TMEM117: variants seen among roughly 807,000 people sequenced by gnomAD.
The protein encoded by TMEM117 is transmembrane protein 117.
A neutral mutation model predicts 52.4 loss-of-function variants in TMEM117; 27 were observed. The ratio of observed to expected loss-of-function variants is 0.51; its 90% CI spans 0.38 to 0.71. The LOEUF is 0.71. TMEM117 is among the 30% of genes least tolerant of loss of function. The pLI is 0.00. For synonymous variants in TMEM117, 215 were observed against 206.3 expected (o/e 1.04, Z -0.36); for missense variants, 556 against 630.5 (o/e 0.88, Z 1.26).
chr12:44,153,040 C>G (rs1948777382), intron 4 of TMEM117, among the ~76,000 whole-genome samples: 1 of 151,432 alleles, frequency 6.6e-6, no homozygotes, highest in South Asian at 2.1e-4. Flanking sequence ...AGTCATTCGA[C>G]TAATTCCAGA....
At chr12:43,806,850 G>A in the TMEM117 span, among the ~76,000 whole-genome samples, 1 of 152,076 alleles carries the variant, frequency 6.6e-6, no homozygotes, top group Non-Finnish European at 1.5e-5. Flanking sequence ...TTTTCAGCTG[G>A]ACACATTTAG....
intron 2 of TMEM117, among the ~76,000 whole-genome samples, chr12:43,922,706 A>T (rs1009919876): frequency 6.6e-6 from 1 of 152,140 alleles, no homozygotes; most frequent in African/African-American, 2.4e-5. Context: ...TTTGCAAGAG[A>T]ATGAAAGTTG....
chr12:44,141,393 T>C (rs1194221473), intron 3 of TMEM117, among the ~76,000 whole-genome samples: 1 of 152,118 alleles, frequency 6.6e-6, no homozygotes, highest in African/African-American at 2.4e-5. Flanking sequence ...TCCCACCCTT[T>C]TCCCTCTGAA....
intron 3 of TMEM117, among the ~76,000 whole-genome samples, chr12:44,051,753 A>G (rs1185035976): frequency 6.6e-6 from 1 of 152,216 alleles, no homozygotes; most frequent in Non-Finnish European, 1.5e-5. Flanking sequence ...CATGTCTCAC[A>G]TGCACCCTAT....
At chr12:44,342,455 A>T (rs1249800753) in intron 6 of TMEM117, among the ~76,000 whole-genome samples, 1 of 152,090 alleles carries the variant, frequency 6.6e-6, no homozygotes, top group East Asian at 1.9e-4. Context: ...CCTGAAAGTG[A>T]ATGTTTAATA....
the TMEM117 span, among the ~76,000 whole-genome samples, chr12:43,819,394 G>C: frequency 2.6e-5 from 4 of 152,078 alleles, no homozygotes; most frequent in Non-Finnish European, 4.4e-5. Flanking sequence ...GAAAAGTATT[G>C]CATTTCCCCT....
chr12:44,336,851 C>T (rs1951347956), intron 6 of TMEM117, among the ~76,000 whole-genome samples: 1 of 151,980 alleles, frequency 6.6e-6, no homozygotes, highest in Admixed American at 6.6e-5. Flanking sequence ...ATTATTCATT[C>T]AAACTGATGT....
At chr12:44,185,166 A>C (rs767798602) in intron 4 of TMEM117, among the ~76,000 whole-genome samples, 1 of 152,142 alleles carries the variant, frequency 6.6e-6, no homozygotes, top group Non-Finnish European at 1.5e-5. Context: ...TTCAGCCTTA[A>C]ATGCCTTTTG....
the TMEM117 span, among the ~76,000 whole-genome samples, chr12:43,828,933 T>C: frequency 6.6e-6 from 1 of 152,214 alleles, no homozygotes; most frequent in African/African-American, 2.4e-5. Flanking sequence ...AATTAGAGCG[T>C]TGGGCATTGG....
At chr12:44,144,504 C>A (rs1948614594) in intron 4 of TMEM117, among the ~76,000 whole-genome samples, 1 of 152,192 alleles carries the variant, frequency 6.6e-6, no homozygotes, top group African/African-American at 2.4e-5. Context: ...CATGTCCCTG[C>A]AGATATGTCC....
the TMEM117 span, among the ~76,000 whole-genome samples, chr12:43,811,596 C>T: frequency 6.6e-6 from 1 of 152,160 alleles, no homozygotes; most frequent in Admixed American, 6.5e-5. Context: ...GTAAAAATAT[C>T]CTTCATCATA....
chr12:44,129,102 G>A (rs1393331340), intron 3 of TMEM117, among the ~76,000 whole-genome samples: 2 of 152,206 alleles, frequency 1.3e-5, no homozygotes, highest in Non-Finnish European at 2.9e-5. Context: ...TAGTTCCACA[G>A]ACTTCTGTCT....
chr12:43,984,969 C>A (rs1945823636), intron 3 of TMEM117, among the ~76,000 whole-genome samples: 2 of 151,880 alleles, frequency 1.3e-5, no homozygotes, highest in African/African-American at 4.8e-5. Flanking sequence ...AAATAAGTTC[C>A]TGTGTGATGG....
chr12:44,219,622 A>G (rs1299440767), intron 5 of TMEM117, among the ~76,000 whole-genome samples: 1 of 152,144 alleles, frequency 6.6e-6, no homozygotes, highest in Non-Finnish European at 1.5e-5. Flanking sequence ...AATTTCTTTA[A>G]AACATATTTG....
intron 4 of TMEM117, among the ~76,000 whole-genome samples, chr12:44,152,001 A>C (rs1246327172): frequency 8.2e-6 from 1 of 122,374 alleles, no homozygotes; most frequent in East Asian, 2.2e-4. Context: ...ATTATTATAA[A>C]TATAATATAT....
chr12:44,056,098 CT>C (rs1197833060), intron 3 of TMEM117, among the ~76,000 whole-genome samples: 3 of 151,486 alleles, frequency 2.0e-5, no homozygotes, highest in Admixed American at 1.3e-4. Context: ...TCTTCTTTTC[CT>C]TTTTTTCTTT....
intron 3 of TMEM117, among the ~76,000 whole-genome samples, chr12:44,029,102 G>A (rs1276467352): frequency 1.3e-5 from 2 of 152,192 alleles, no homozygotes; most frequent in Non-Finnish European, 2.9e-5. Context: ...ACTCAGGGGA[G>A]TTAGAGTGTC....
rs571207347 is a variant in TMEM117, at chr12:43,970,508, T to C, written c.410+26166T>C. 5.1e-4 allele frequency among the ~76,000 whole-genome samples: 77 copies of C among 152,236 alleles called. 1 individual carries two copies. The highest frequency in any genetic ancestry group is 1.9e-3 in the African/African-American group (77 of 41,534). ...TTTCGCCATGTTAACCAGGATGGTC[T>C]CAATCTCCTGACCTTGTGATCCGCC... On this transcript the variant is annotated intron_variant, in intron 3 of 7. Coordinates refer to ENST00000266534, the MANE Select transcript of TMEM117 (RefSeq NM_032256.3).
intron 5 of TMEM117, among the ~76,000 whole-genome samples, chr12:44,223,718 A>G (rs17094314): frequency 0.049 from 7,495 of 152,160 alleles, 609 homozygotes; most frequent in African/African-American, 0.17. Context: ...GTTTCCTGCT[A>G]TTCAGATTGG....
Sources: allele counts gnomAD v4.1 joint callset (sites outside exome capture counted in the v4.1 genomes callset), GRCh38; gene constraint gnomAD v4.1.1; transcripts MANE v1.5; gene names NCBI Gene and HGNC (gene_info 2026-07-23, HGNC 2026-07-21).